CNBD1: variants seen among roughly 807,000 people sequenced by gnomAD.
The protein encoded by CNBD1 is cyclic nucleotide-binding domain-containing protein 1.
Under a neutral mutation model 54.4 loss-of-function variants are expected in CNBD1, and 71 were observed. That is an observed-to-expected ratio of 1.30 (90% CI 1.08 to 1.59). The LOEUF (loss-of-function observed/expected upper bound fraction) is 1.59. Ranked by LOEUF, CNBD1 falls within the 40% of genes most tolerant of loss-of-function variation. The probability of loss-of-function intolerance (pLI) is 0.00; values close to 1 mark genes in which losing one functional copy is unlikely to be tolerated. For missense variants in CNBD1, 659 were observed against 518.0 expected (o/e 1.27, Z -2.64); for synonymous variants, 182 against 170.7 (o/e 1.07, Z -0.51).
chr8:87,252,940 C>G (rs572900733), intron 6 of CNBD1, among the ~76,000 whole-genome samples: 1 of 151,890 alleles, frequency 6.6e-6, no homozygotes, highest in South Asian at 2.1e-4. Context: ...AGGGCACATA[C>G]GTTTACTGCA....
intron 4 of CNBD1, among the ~76,000 whole-genome samples, chr8:86,983,101 T>C (rs1172687186): frequency 6.6e-6 from 1 of 152,166 alleles, no homozygotes; most frequent in Non-Finnish European, 1.5e-5. Context: ...AATCTCATCT[T>C]GAATTCTCAC....
chr8:87,420,955 T>C (rs376835769), intron 2 of CNBD1, among the ~76,000 whole-genome samples: 1 of 152,068 alleles, frequency 6.6e-6, no homozygotes, highest in East Asian at 1.9e-4. Context: ...ATTAAACTGA[T>C]GACTGTTATA....
intron 4 of CNBD1, among the ~76,000 whole-genome samples, chr8:87,200,280 A>G (rs1205360882): frequency 6.6e-6 from 1 of 152,170 alleles, no homozygotes; most frequent in African/African-American, 2.4e-5. Flanking sequence ...GTAGAAACAC[A>G]AAAAGCTCCA....
At chr8:87,002,719 C>T (rs1226655232) in intron 4 of CNBD1, among the ~76,000 whole-genome samples, 3 of 151,944 alleles carry the variant, frequency 2.0e-5, no homozygotes, top group African/African-American at 4.8e-5. Context: ...CTGCCTTCTT[C>T]ATCCCTCTTA....
intron 4 of CNBD1, among the ~76,000 whole-genome samples, chr8:86,982,714 G>C (rs565323562): frequency 1.3e-5 from 2 of 152,256 alleles, no homozygotes; most frequent in South Asian, 4.2e-4. Flanking sequence ...TTTAAAATCA[G>C]GGAGTGTGAG....
At chr8:86,964,214 A>G (rs1377867269) in intron 4 of CNBD1, among the ~76,000 whole-genome samples, 5 of 6,114 alleles carry the variant, frequency 8.2e-4, no homozygotes, top group African/African-American at 4.2e-3. Context: ...CTGGTCTACC[A>G]TGGATAGCCC....
intron 4 of CNBD1, among the ~76,000 whole-genome samples, chr8:87,100,128 G>A (rs932695443): frequency 6.6e-6 from 1 of 152,116 alleles, no homozygotes; most frequent in African/African-American, 2.4e-5. Context: ...GAAAGTCTGG[G>A]TAACTTGAAG....
At chr8:87,039,711 C>A (rs1810024640) in intron 4 of CNBD1, among the ~76,000 whole-genome samples, 2 of 152,230 alleles carry the variant, frequency 1.3e-5, no homozygotes, top group South Asian at 4.1e-4. Context: ...TCAAATTAGT[C>A]TCCTCGAGAA....
At chr8:87,047,888 G>A (rs906550936) in intron 4 of CNBD1, among the ~76,000 whole-genome samples, 2 of 152,172 alleles carry the variant, frequency 1.3e-5, no homozygotes, top group African/African-American at 4.8e-5. Context: ...AAAGAATCTG[G>A]TAGGGTAAAG....
At chr8:87,322,235 G>C (rs2130900933) in intron 8 of CNBD1, among the ~76,000 whole-genome samples, 1 of 123,074 alleles carries the variant, frequency 8.1e-6, no homozygotes, top group East Asian at 2.1e-4. Context: ...CCAAGTCTTT[G>C]CTATTGTGAA....
Position 86,904,299 on chromosome 8 carries a change from G to C in CNBD1, c.159-782G>C, listed in dbSNP as rs369753073. 5.9e-5 allele frequency among the ~76,000 whole-genome samples: 9 copies of C among 152,010 alleles called. 1 individual carries two copies. Among genetic ancestry groups the C allele is most frequent in the Admixed American group, 5.9e-4 (9 of 15,254 alleles). On this transcript the variant is annotated intron_variant, in intron 2 of 10. Coordinates refer to ENST00000518476, the MANE Select transcript of CNBD1 (RefSeq NM_173538.3). The stretch of plus-strand genomic sequence containing the variant: ...AATTATTGAAATAAGCTCTCAAGAT[G>C]AATGTTTAGCATTTTTTAAAAAATT...
Position 87,273,143 on chromosome 8 carries a change from C to T in CNBD1, c.772-11535C>T, listed in dbSNP as rs201185773. Among the ~76,000 whole-genome samples, 10 of 151,836 alleles carry T rather than the reference C, an allele frequency of 6.6e-5. No homozygotes were observed. The East Asian group carries it at 1.9e-3, about 29-fold the overall frequency. ...TAGTACTGTAGTAGTGATTATATAA[C>T]AGTAGTACAGTAACGGCAATACAGA... On this transcript the variant is annotated intron_variant, in intron 6 of 10. Coordinates refer to ENST00000518476, the MANE Select transcript of CNBD1 (RefSeq NM_173538.3).
At chr8:87,045,089 C>G (rs548074843) in intron 4 of CNBD1, among the ~76,000 whole-genome samples, 7 of 152,096 alleles carry the variant, frequency 4.6e-5, no homozygotes, top group Admixed American at 3.9e-4. Context: ...GGTGTTGTGT[C>G]GAGAACACCA....
At chr8:86,955,953 T>A (rs1807755792) in intron 4 of CNBD1, among the ~76,000 whole-genome samples, 1 of 152,252 alleles carries the variant, frequency 6.6e-6, no homozygotes, top group South Asian at 2.1e-4. Flanking sequence ...CTAGGGTTTT[T>A]ATGGTTTTAG....
At chr8:87,319,632 T>A (rs893471203) in intron 8 of CNBD1, among the ~76,000 whole-genome samples, 1 of 152,108 alleles carries the variant, frequency 6.6e-6, no homozygotes, top group Non-Finnish European at 1.5e-5. Context: ...AGGGGAAATA[T>A]ACTTTCTTTC....
chr8:87,024,325 A>T (rs1254144804), intron 4 of CNBD1, among the ~76,000 whole-genome samples: 1 of 149,328 alleles, frequency 6.7e-6, no homozygotes, highest in Non-Finnish European at 1.5e-5. Context: ...ATTTTATTTT[A>T]TTTATTTTTA....
At chr8:87,013,985 G>A (rs1045368906) in intron 4 of CNBD1, among the ~76,000 whole-genome samples, 69 of 151,358 alleles carry the variant, frequency 4.6e-4, no homozygotes, top group Non-Finnish European at 8.0e-4. Context: ...AAAAAAAAAA[G>A]GAAAACAAAA....
At chr8:87,141,187 G>C (rs924305622) in intron 4 of CNBD1, among the ~76,000 whole-genome samples, 1 of 152,010 alleles carries the variant, frequency 6.6e-6, no homozygotes, top group Non-Finnish European at 1.5e-5. Flanking sequence ...TTTTCATTTA[G>C]CTATATAAGT....
chr8:87,297,004 TC>T, intron 8 of CNBD1, among the ~76,000 whole-genome samples: 1 of 151,628 alleles, frequency 6.6e-6, no homozygotes, highest in East Asian at 2.0e-4. Flanking sequence ...TGAAACCCCT[TC>T]TCTACTAAAA....
Sources: allele counts gnomAD v4.1 joint callset (sites outside exome capture counted in the v4.1 genomes callset), GRCh38; gene constraint gnomAD v4.1.1; transcripts MANE v1.5; gene names NCBI Gene and HGNC (gene_info 2026-07-23, HGNC 2026-07-21).